The following SINHCAF variants were observed in gnomAD, a reference collection of about 807,000 sequenced individuals.
SINHCAF encodes the protein SIN3-HDAC complex-associated factor.
In SINHCAF, 3 loss-of-function variants were observed where a neutral mutation model predicts 25.8. The observed-to-expected ratio is 0.12, with a 90% CI of 0.05 to 0.30. The LOEUF (loss-of-function observed/expected upper bound fraction) is 0.30. SINHCAF is among the 10% of genes least tolerant of loss of function. The pLI is 1.00. For synonymous variants in SINHCAF, 70 were observed against 85.5 expected (o/e 0.82, Z 1.00); for missense variants, 121 against 262.3 (o/e 0.46, Z 3.72).
chr12:31,308,009 G>A (rs1218812564), intron 1 of SINHCAF, among the ~76,000 whole-genome samples: 3 of 151,980 alleles, frequency 2.0e-5, no homozygotes, highest in Non-Finnish European at 4.4e-5. Context: ...GAATGCAGTC[G>A]GCTCACTGCA....
chr12:31,314,378 T>A (rs1939413818), intron 1 of SINHCAF, among the ~76,000 whole-genome samples: 1 of 151,656 alleles, frequency 6.6e-6, no homozygotes, highest in Non-Finnish European at 1.5e-5. Flanking sequence ...CAAAAAAAAA[T>A]AGCCGGGCGT....
Position 31,281,033 on chromosome 12 carries a change from T to TA in SINHCAF, c.*1678dup, listed in dbSNP as rs1937768296. ...TATAAAATGTTTAGATTAAGAACTA[T>TA]AAAACTACAGGGTGCCTATAAAAGG... On this transcript the variant is annotated 3_prime_UTR_variant, in exon 6 of 6. Coordinates refer to ENST00000337682, the MANE Select transcript of SINHCAF (RefSeq NM_001135812.2). The TA allele has an allele frequency of 6.6e-6, 1 of 152,094 alleles. No homozygotes were observed. The highest frequency in any genetic ancestry group is 2.1e-4 in the South Asian group (1 of 4,826). The allele number at this position is 152,094 out of a possible 1,614,324, so 9.4% of individuals were successfully genotyped here.
chr12:31,306,496 A>G (rs1939031397), intron 1 of SINHCAF, among the ~76,000 whole-genome samples: 1 of 152,080 alleles, frequency 6.6e-6, no homozygotes, highest in Non-Finnish European at 1.5e-5. Flanking sequence ...GTTTGCGGGA[A>G]AAGTACCCCC....
intron 1 of SINHCAF, among the ~76,000 whole-genome samples, chr12:31,316,604 T>A (rs915820232): frequency 2.0e-5 from 3 of 152,134 alleles, no homozygotes; most frequent in African/African-American, 7.2e-5. Flanking sequence ...AACACATAAG[T>A]TTACTGAATA....
At position 31,293,891 on chromosome 12, in the gene SINHCAF, A is replaced by G. The variant is rs1215928069; in HGVS notation, c.269T>C (p.Leu90Ser). The G allele has an allele frequency of 6.2e-7, 1 of 1,613,260 alleles. No individual in the cohort carries two copies. The highest frequency in any genetic ancestry group is 8.5e-7 in the Non-Finnish European group (1 of 1,179,470). The stretch of plus-strand genomic sequence containing the variant: ...TAGAGTTTTCACTTTCTTTGGTTTC[A>G]ATGTAGTCTTTAGACTGGGTCCAGC... Reference protein sequence around the residue: ...ARAGPSLKTTLKPKKVKTLSG... With the variant: ...ARAGPSLKTTSKPKKVKTLSG... Residue 90 changes from leucine to serine, a missense_variant, in exon 4 of 6, where the codon TTG becomes TCG. By Grantham distance (145) the Leu-to-Ser change is moderately radical. Coordinates refer to ENST00000337682, the MANE Select transcript of SINHCAF (RefSeq NM_001135812.2).
intron 1 of SINHCAF, among the ~76,000 whole-genome samples, chr12:31,323,752 C>T (rs1223698736): frequency 6.6e-6 from 1 of 152,194 alleles, no homozygotes; most frequent in Admixed American, 6.5e-5. Context: ...GCCCACAGTC[C>T]TCACTTCCCT....
chr12:31,319,745 A>T (rs1160817745), intron 1 of SINHCAF, among the ~76,000 whole-genome samples: 1 of 152,118 alleles, frequency 6.6e-6, no homozygotes, highest in Non-Finnish European at 1.5e-5. Flanking sequence ...AACCAACCTT[A>T]TTGGTAATAC....
rs1332672585 is a variant in SINHCAF, at chr12:31,280,680, A to G, written c.*2032T>C. The G allele has an allele frequency of 6.6e-6, 1 of 152,572 alleles. No homozygotes were observed. The highest frequency in any genetic ancestry group is 2.4e-5 in the African/African-American group (1 of 41,446). The allele number at this position is 152,572 out of a possible 1,614,324, so 9.5% of individuals were successfully genotyped here. On this transcript the variant is annotated 3_prime_UTR_variant, in exon 6 of 6. Transcript: ENST00000337682. ...TAAAAAGTACAAAACAGATCTGTAGATTTCTAATATATTAATACAAAGTGC... is the reference window on the plus strand; with the variant it reads ...TAAAAAGTACAAAACAGATCTGTAGGTTTCTAATATATTAATACAAAGTGC...
chr12:31,312,084 C>T, intron 1 of SINHCAF: 1 of 495,002 alleles, frequency 2.0e-6, no homozygotes, highest in African/African-American at 2.0e-5. Flanking sequence ...GTCACTGTTC[C>T]CTGGTCCCAA....
rs1338671323 is a variant in SINHCAF at position 31,325,180 on chromosome 12, G to A, written c.-21+844C>T. ...AGCGCGGACGGCCGCCCATAAACGGGAAGCCCTCGCGGTGTCGCCCACACC... is the reference window on the plus strand; with the variant it reads ...AGCGCGGACGGCCGCCCATAAACGGAAAGCCCTCGCGGTGTCGCCCACACC... On this transcript the variant is annotated intron_variant, in intron 1 of 5. Transcript: ENST00000337682. This position sits in a 1 kb window ranked among gnomAD's most constrained non-coding sequence, Gnocchi z 5.9. The A allele has an allele frequency of 2.2e-6, 1 of 456,786 alleles. No individual in the cohort carries two copies. The highest frequency in any genetic ancestry group is 1.5e-5 in the South Asian group (1 of 64,574). 28.3% of individuals were successfully genotyped at this position (456,786 alleles called of 1,614,324 possible). A position where few individuals can be genotyped will look rare whatever the true frequency, so the allele number is the denominator to read the frequency against.
intron 1 of SINHCAF, among the ~76,000 whole-genome samples, chr12:31,306,275 C>CAT (rs1166739809): frequency 1.3e-5 from 2 of 152,160 alleles, no homozygotes; most frequent in Non-Finnish European, 2.9e-5. Flanking sequence ...TCCTGAGCCC[C>CAT]ATAAAGGGGT....
chr12:31,314,667 C>A (rs1592987618), intron 1 of SINHCAF, among the ~76,000 whole-genome samples: 1 of 152,040 alleles, frequency 6.6e-6, no homozygotes. Context: ...TGTTTATCAG[C>A]ATTCTATAAG....
chr12:31,316,804 GCTTTAGTACC>G (rs1052225463), intron 1 of SINHCAF, among the ~76,000 whole-genome samples: 7 of 152,136 alleles, frequency 4.6e-5, no homozygotes, highest in Non-Finnish European at 7.4e-5. Context: ...AAATTTTAGA[GCTTTAGTACC>G]CTTTTTAATA....
chr12:31,298,377 C>T, intron 1 of SINHCAF, 153 bp from the exon 2 acceptor site: 1 of 723,252 alleles, frequency 1.4e-6, no homozygotes, highest in Non-Finnish European at 2.3e-6. Flanking sequence ...GGATCGACCT[C>T]CATTCTTGGC....
intron 2 of SINHCAF, 91 bp from the exon 3 acceptor site, chr12:31,295,424 T>G (rs1262661322): frequency 2.5e-6 from 2 of 802,032 alleles, no homozygotes; most frequent in African/African-American, 3.5e-5. Context: ...ACTGTATCTA[T>G]GTATGGTTTA....
chr12:31,325,354 C>T lies in SINHCAF; in HGVS notation c.-21+670G>A. 2.4e-6 allele frequency: 1 copy of T among 410,282 alleles called. No homozygotes were observed. Among genetic ancestry groups the T allele is most frequent in the South Asian group, 1.8e-5 (1 of 57,070 alleles). 25.4% of individuals were successfully genotyped at this position (410,282 alleles called of 1,614,324 possible). ...CGCGTGTTGCTCTCATTGTCGCATC[C>T]GCATCCCTCCGGAGTTGAGCAAACA... On this transcript the variant is annotated intron_variant, in intron 1 of 5. Transcript: ENST00000337682. The surrounding 1 kb of genome is among the most constrained non-coding windows in gnomAD (Gnocchi z 5.9).
chr12:31,300,719 T>C (rs1371405486), intron 1 of SINHCAF, among the ~76,000 whole-genome samples: 1 of 152,212 alleles, frequency 6.6e-6, no homozygotes, highest in African/African-American at 2.4e-5. Flanking sequence ...GTTATTGCTT[T>C]AATTTGTGTA....
chr12:31,323,531 A>C (rs1403595392), intron 1 of SINHCAF, among the ~76,000 whole-genome samples: 2 of 152,324 alleles, frequency 1.3e-5, no homozygotes, highest in East Asian at 3.9e-4. Flanking sequence ...ACTCAAGAGT[A>C]AATCCTAATC....
intron 4 of SINHCAF, among the ~76,000 whole-genome samples, chr12:31,288,236 C>A (rs905086351): frequency 2.0e-5 from 3 of 151,940 alleles, no homozygotes; most frequent in Non-Finnish European, 1.5e-5. Flanking sequence ...AATCCAAAAC[C>A]CCAATTAAAA....
Sources: allele counts gnomAD v4.1 joint callset (sites outside exome capture counted in the v4.1 genomes callset), GRCh38; gene constraint gnomAD v4.1.1; non-coding constraint Gnocchi (gnomAD v3.1); transcripts MANE v1.5; gene names NCBI Gene and HGNC (gene_info 2026-07-23, HGNC 2026-07-21).